INO80: variants seen among roughly 807,000 people sequenced by gnomAD.
The protein encoded by INO80 is chromatin-remodeling ATPase INO80.
A neutral mutation model predicts 203.4 loss-of-function variants in INO80; 20 were observed. The ratio of observed to expected loss-of-function variants is 0.10; its 90% CI spans 0.07 to 0.14. The LOEUF (loss-of-function observed/expected upper bound fraction) is 0.14, where lower values mean the gene tolerates loss of function less well. Among genes scored for constraint, INO80 ranks in the 10% least tolerant of loss-of-function variants. The probability of loss-of-function intolerance (pLI) is 1.00; values close to 1 mark genes in which losing one functional copy is unlikely to be tolerated. For missense variants in INO80, 1,419 were observed against 1,914.4 expected, an observed-to-expected ratio of 0.74 and a Z score of 4.83; for synonymous variants, 726 against 685.2, an observed-to-expected ratio of 1.06 and a Z score of -0.93.
chr15:41,093,429 AAAAG>A (rs2045674988), intron 4 of INO80, among the ~76,000 whole-genome samples: 1 of 152,076 alleles, frequency 6.6e-6, no homozygotes, highest in African/African-American at 2.4e-5. Context: ...CGTCTCAAAA[AAAAG>A]AAAAAAGAAA....
chr15:41,094,420 T>C (rs369664213), intron 4 of INO80, among the ~76,000 whole-genome samples: 1 of 152,210 alleles, frequency 6.6e-6, no homozygotes, highest in African/African-American at 2.4e-5. Flanking sequence ...GATGGTTCTC[T>C]GTGATCATTC....
intron 32 of INO80, 81 bp from the exon 33 acceptor site, chr15:40,984,433 C>G: frequency 7.6e-7 from 1 of 1,320,838 alleles, no homozygotes; most frequent in Non-Finnish European, 1.1e-6. Flanking sequence ...AAAAGGATAA[C>G]AGAACTTTTA....
At chr15:41,002,324 G>C (rs2043969617) in intron 28 of INO80, among the ~76,000 whole-genome samples, 1 of 152,184 alleles carries the variant, frequency 6.6e-6, no homozygotes, top group African/African-American at 2.4e-5. Flanking sequence ...CACTCTTTTA[G>C]AGCTAAACTT....
At chr15:41,111,633 T>A (rs2045960000) in intron 1 of INO80, among the ~76,000 whole-genome samples, 2 of 151,240 alleles carry the variant, frequency 1.3e-5, no homozygotes. Flanking sequence ...TGAAATCCTG[T>A]CTCTACCAAA....
In INO80 at chr15:41,073,525, C is replaced by T. The variant is rs1379487093; in HGVS notation, c.1328-30G>A. ...AAAGCAAAATTTATGGATTATCACA[C>T]TTTATCAACTGATTTTGTTCTAAGA... On this transcript the variant is annotated intron_variant, in intron 10 of 35. Transcript: ENST00000648947. The T allele has an allele frequency of 1.8e-5, 27 of 1,525,776 alleles. No homozygotes were observed. In the East Asian group the frequency reaches 5.4e-4, roughly 31 times the overall value. The allele number at this position is 1,525,776 out of a possible 1,614,324, so 94.5% of individuals were successfully genotyped here.
At chr15:40,990,600 G>T (rs1011985009) in intron 29 of INO80, among the ~76,000 whole-genome samples, 2 of 152,214 alleles carry the variant, frequency 1.3e-5, no homozygotes, top group Non-Finnish European at 2.9e-5. Context: ...GCGAAAGAAA[G>T]TCACCGTGAA....
chr15:41,056,840 A>G (rs2044995303), intron 16 of INO80, 134 bp from the exon 17 acceptor site: 2 of 664,386 alleles, frequency 3.0e-6, no homozygotes, highest in Non-Finnish European at 5.3e-6. Context: ...CATGTATTCA[A>G]CTGAAAAACA....
In INO80 at chr15:41,114,708, C is replaced by CAAAA. The variant is rs760373123; in HGVS notation, c.-44+1261_-44+1264dup. Among the ~76,000 whole-genome samples the CAAAA allele has an allele frequency of 7.6e-5, 5 of 65,886 alleles. No individual in the cohort carries two copies. In the South Asian group the frequency reaches 2.6e-3, roughly 35 times the overall value. 43.2% of individuals were successfully genotyped at this position (65,886 alleles called of 152,430 possible). On this transcript the variant is annotated intron_variant, in intron 1 of 35. Transcript: ENST00000648947. Reference sequence around the variant, plus strand: ...TGGACGACAGAGCGAGACTCAGTCTCAAAAAAAAAAAAAAAAAGGAATTAA... The same window carrying CAAAA: ...TGGACGACAGAGCGAGACTCAGTCTCAAAAAAAAAAAAAAAAAAAAAGGAATTAA...
chr15:41,039,522 C>T (rs1016382348), intron 24 of INO80, among the ~76,000 whole-genome samples: 25 of 152,204 alleles, frequency 1.6e-4, no homozygotes, highest in African/African-American at 5.1e-4. Flanking sequence ...CTGTGGTATG[C>T]AGTAATATGT....
chr15:41,051,979 A>T (rs2044882790), intron 19 of INO80, among the ~76,000 whole-genome samples: 1 of 152,070 alleles, frequency 6.6e-6, no homozygotes, highest in Non-Finnish European at 1.5e-5. Context: ...AAATAAATAA[A>T]AAATAAAAAA....
chr15:41,101,020 G>A (rs1004843392), intron 1 of INO80, among the ~76,000 whole-genome samples: 1 of 151,766 alleles, frequency 6.6e-6, no homozygotes, highest in African/African-American at 2.4e-5. Context: ...AGTAGAGATG[G>A]AGTTTTACCA....
Position 41,049,286 on chromosome 15 carries a change from C to T in INO80, c.2576+1G>A. ...GTGAACAGATAGTAATACTTCCCTA[C>T]CTGTCTCGTGAATGATTGAAGACCC... On this transcript the variant is annotated splice_donor_variant, in intron 21 of 35. Transcript: ENST00000648947. LOFTEE classifies it high-confidence loss of function. 6.2e-7 allele frequency: 1 copy of T among 1,610,556 alleles called. No individual in the cohort carries two copies.
intron 24 of INO80, among the ~76,000 whole-genome samples, chr15:41,036,169 A>G (rs866164375): frequency 0.024 from 3,546 of 148,152 alleles, 219 homozygotes; most frequent in African/African-American, 0.084. Flanking sequence ...AAAAAAAAAA[A>G]AAAAAAAAAA....
intron 27 of INO80, among the ~76,000 whole-genome samples, 181 bp downstream of exon 27, chr15:41,015,907 T>C (rs1306483890): frequency 6.9e-6 from 1 of 144,970 alleles, no homozygotes; most frequent in East Asian, 2.0e-4. Flanking sequence ...ATCGCATCAC[T>C]GCACTCCAGC....
intron 27 of INO80, among the ~76,000 whole-genome samples, chr15:41,012,214 G>A (rs74014735): frequency 0.029 from 4,472 of 152,254 alleles, 218 homozygotes; most frequent in African/African-American, 0.1. Context: ...CATCCAGCTG[G>A]ATACCACCAT....
intron 14 of INO80, among the ~76,000 whole-genome samples, chr15:41,063,878 A>T (rs1175271518): frequency 6.6e-6 from 1 of 152,216 alleles, no homozygotes; most frequent in East Asian, 1.9e-4. Context: ...TCAGAAAAAA[A>T]TTAAAGAAAA....
intron 9 of INO80, among the ~76,000 whole-genome samples, chr15:41,074,855 G>C (rs760094486): frequency 6.6e-6 from 1 of 151,960 alleles, no homozygotes; most frequent in Admixed American, 6.6e-5. Context: ...AGCTAGTCTC[G>C]TACCTCAGCC....
chr15:40,982,152 C>A (rs148480982), intron 35 of INO80, among the ~76,000 whole-genome samples: 1 of 152,100 alleles, frequency 6.6e-6, no homozygotes, highest in East Asian at 1.9e-4. Context: ...CTCCTTTTTA[C>A]GTTTTTTAGT....
At chr15:41,107,121 C>T (rs2045891443) in intron 1 of INO80, among the ~76,000 whole-genome samples, 4 of 152,190 alleles carry the variant, frequency 2.6e-5, no homozygotes, top group Non-Finnish European at 5.9e-5. Context: ...ATTTGTGATA[C>T]AGTTAGTTTC....
Sources: gnomAD v4.1 joint callset for allele counts (sites outside exome capture counted in the v4.1 genomes callset) on GRCh38, gnomAD v4.1.1 for gene constraint, MANE v1.5 for transcripts, NCBI Gene and HGNC (gene_info 2026-07-23, HGNC 2026-07-21) for gene names.